The following TMC5 variants were observed in gnomAD, a reference collection of about 807,000 sequenced individuals.
TMC5 encodes transmembrane channel like 5, also known as transmembrane channel-like protein 5.
In TMC5, 86 loss-of-function variants were observed where a neutral mutation model predicts 110.5. The ratio of observed to expected loss-of-function variants is 0.78; its 90% CI spans 0.65 to 0.93. The LOEUF is 0.93. Ranked by LOEUF, TMC5 falls within the 40% of genes least tolerant of loss-of-function variation. The probability of loss-of-function intolerance (pLI) is 0.00; values close to 1 mark genes in which losing one functional copy is unlikely to be tolerated. For synonymous variants in TMC5, 455 were observed against 439.5 expected (o/e 1.04, Z -0.44); for missense variants, 1,144 against 1,222.8 (o/e 0.94, Z 0.96).
At chr16:19,467,145 A>AC (rs1321853203) in intron 9 of TMC5, among the ~76,000 whole-genome samples, 1 of 151,958 alleles carries the variant, frequency 6.6e-6, no homozygotes, top group East Asian at 1.9e-4. Flanking sequence ...CCTGTTTCAA[A>AC]AAAAAAAGAG....
At chr16:19,460,101 C>T in intron 5 of TMC5, 134 bp from the exon 6 acceptor site, 6 of 544,670 alleles carry the variant, frequency 1.1e-5, no homozygotes, top group South Asian at 3.2e-5. Context: ...TGTTGTTTTC[C>T]TTTGTGATCT....
At chr16:19,451,591 C>A (rs1967750301) in intron 5 of TMC5, among the ~76,000 whole-genome samples, 1 of 152,084 alleles carries the variant, frequency 6.6e-6, no homozygotes. Flanking sequence ...ACACAGAAGG[C>A]TTCTGTGAAC....
rs1968724360 is a variant in TMC5, at chr16:19,485,737, G to A, written c.2364-1208G>A. On this transcript the variant is annotated intron_variant, in intron 15 of 21. Coordinates refer to ENST00000542583, the MANE Select transcript of TMC5 (RefSeq NM_001261841.2). ...CATTAAATTCTAGCGAGATGTTACA[G>A]TTTGCTAAGGCTCTCAGCCCGAAGC... Among the ~76,000 whole-genome samples the A allele has an allele frequency of 1.3e-5, 2 of 152,228 alleles. 1 individual carries two copies. The highest frequency in any genetic ancestry group is 4.1e-4 in the South Asian group (2 of 4,824).
rs267604434 is a variant in TMC5, at chr16:19,444,138, C to T, written c.846C>T (p.Pro282=). The T allele has an allele frequency of 1.2e-5, 19 of 1,613,920 alleles. No individual in the cohort carries two copies. Among genetic ancestry groups the T allele is most frequent in the African/African-American group, 2.7e-5 (2 of 74,886 alleles). ...CATTTCGTCACAGGAGTGATGACCCCGTGGGCAGTCTTTGGGGAGAGAATG... is the reference window on the plus strand; with the variant it reads ...CATTTCGTCACAGGAGTGATGACCCTGTGGGCAGTCTTTGGGGAGAGAATG... ...QPSFRHRSDD[P]VGSLWGENDY... Residue 282 remains proline (P), a synonymous_variant, in exon 4 of 22, where the codon CCC becomes CCT. Transcript: ENST00000542583.
chr16:19,489,644 ATTT>A (rs34372092), intron 17 of TMC5, among the ~76,000 whole-genome samples: 73 of 129,300 alleles, frequency 5.6e-4, no homozygotes, highest in African/African-American at 5.9e-4. Flanking sequence ...TGCCTGGCTA[ATTT>A]TTTTTTTTTT....
chr16:19,494,761 C>T (rs1969007788), intron 20 of TMC5, among the ~76,000 whole-genome samples: 1 of 152,074 alleles, frequency 6.6e-6, no homozygotes, highest in Admixed American at 6.6e-5. Flanking sequence ...GAGCCAAAAT[C>T]ATGCCACTGC....
intron 15 of TMC5, among the ~76,000 whole-genome samples, chr16:19,485,205 C>T (rs959244589): frequency 6.1e-5 from 9 of 148,520 alleles, no homozygotes; most frequent in African/African-American, 2.2e-4. Context: ...GCTGGGATAA[C>T]AGGAGTGAGC....
At chr16:19,476,303 C>CA (rs930063472) in intron 12 of TMC5, among the ~76,000 whole-genome samples, 14 of 152,154 alleles carry the variant, frequency 9.2e-5, no homozygotes, top group African/African-American at 2.9e-4. Flanking sequence ...GCCATGACCA[C>CA]ACCACTGCAC....
At chr16:19,430,054 C>G (rs187193425) in intron 1 of TMC5, among the ~76,000 whole-genome samples, 1 of 152,090 alleles carries the variant, frequency 6.6e-6, no homozygotes, top group Non-Finnish European at 1.5e-5. Flanking sequence ...ACGGTATGAA[C>G]AGCATATGCC....
intron 2 of TMC5, among the ~76,000 whole-genome samples, chr16:19,438,038 T>C (rs1433349705): frequency 6.6e-6 from 1 of 152,156 alleles, no homozygotes; most frequent in East Asian, 1.9e-4. Context: ...CTGAATCACC[T>C]GGACCAAGAG....
At chr16:19,478,952 A>T (rs1968551495) in intron 13 of TMC5, among the ~76,000 whole-genome samples, 1 of 152,258 alleles carries the variant, frequency 6.6e-6, no homozygotes, top group South Asian at 2.1e-4. Context: ...TCATAAACTG[A>T]CTAATTTGAG....
At chr16:19,435,805 CT>C (rs1304663532) in intron 2 of TMC5, among the ~76,000 whole-genome samples, 1 of 152,180 alleles carries the variant, frequency 6.6e-6, no homozygotes, top group Non-Finnish European at 1.5e-5. Context: ...ACTCTTTTTC[CT>C]CATCCTTGCA....
chr16:19,471,999 G>T, intron 10 of TMC5, 89 bp from the exon 11 acceptor site: 1 of 1,361,260 alleles, frequency 7.3e-7, no homozygotes, highest in Non-Finnish European at 1.0e-6. Context: ...GACCTCAAGT[G>T]ATCCACCCGC....
Position 19,490,470 on chromosome 16 carries a change from C to T in TMC5, c.2649C>T (p.Asp883=). 1.2e-6 allele frequency: 2 copies of T among 1,614,126 alleles called. No homozygotes were observed. The highest frequency in any genetic ancestry group is 1.1e-5 in the South Asian group (1 of 91,084). ...TTCACTCCATCTACAGCTGGATCGA[C>T]ACCCTAAGTACACGGCCTGGCTACC... The part of the protein sequence containing the change: ...LFIHSIYSWI[D]TLSTRPGYLW... The change falls in exon 18 of 22, where the codon GAC becomes GAT. Residue 883 remains aspartate (D), a synonymous_variant. Coordinates refer to ENST00000542583, the MANE Select transcript of TMC5 (RefSeq NM_001261841.2).
chr16:19,458,822 G>A (rs927008451), intron 5 of TMC5, among the ~76,000 whole-genome samples: 1 of 152,044 alleles, frequency 6.6e-6, no homozygotes, highest in Non-Finnish European at 1.5e-5. Context: ...TACACCTCAA[G>A]TATGTCATTA....
intron 2 of TMC5, among the ~76,000 whole-genome samples, chr16:19,434,485 TAGATAG>T (rs1567300782): frequency 1.3e-5 from 1 of 75,812 alleles, no homozygotes; most frequent in African/African-American, 5.7e-5. Context: ...GATAGATAGA[TAGATAG>T]ATATAGAGAG....
At chr16:19,422,328 G>A (rs1967003372) in intron 1 of TMC5, among the ~76,000 whole-genome samples, 1 of 151,972 alleles carries the variant, frequency 6.6e-6, no homozygotes, top group Non-Finnish European at 1.5e-5. Flanking sequence ...TTGCTTTTCT[G>A]CTTCCCTGAA....
chr16:19,465,107 TCCTTCCTCCCTC>T (rs1320885318), intron 8 of TMC5, among the ~76,000 whole-genome samples: 20 of 86,074 alleles, frequency 2.3e-4, no homozygotes, highest in Admixed American at 5.5e-4. Context: ...CTTCCTTCCT[TCCTTCCTCCCTC>T]CCTCCCTCCC....
At position 19,488,965 on chromosome 16, in the gene TMC5, G is replaced by A. The variant is rs115100654; in HGVS notation, c.2574-1430G>A. ...AAGGGAGATGATTTTTAGGACACAT[G>A]TGAAACTGGGGCTCTCAGTTCCTTG... On this transcript the variant is annotated intron_variant, in intron 17 of 21. Coordinates refer to ENST00000542583, the MANE Select transcript of TMC5 (RefSeq NM_001261841.2). Among the ~76,000 whole-genome samples the A allele has an allele frequency of 4.6e-3, 690 of 150,882 alleles. 3 individuals are homozygous for A. The highest frequency in any genetic ancestry group is 0.016 in the African/African-American group (659 of 41,322).
Sources: gnomAD v4.1 joint callset for allele counts (sites outside exome capture counted in the v4.1 genomes callset) on GRCh38, gnomAD v4.1.1 for gene constraint, MANE v1.5 for transcripts, NCBI Gene and HGNC (gene_info 2026-07-23, HGNC 2026-07-21) for gene names.